The following LRP1B variants were observed in gnomAD, a reference collection of about 807,000 sequenced individuals.
LRP1B encodes the protein LDL receptor related protein 1B.
A neutral mutation model predicts 556.6 loss-of-function variants in LRP1B; 217 were observed. The ratio of observed to expected loss-of-function variants is 0.39; its 90% CI spans 0.35 to 0.44. The LOEUF (loss-of-function observed/expected upper bound fraction) is 0.44, where lower values mean the gene tolerates loss of function less well. Ranked by LOEUF, LRP1B falls within the 20% of genes least tolerant of loss-of-function variation. The pLI is 1.00. For synonymous variants in LRP1B, 2,047 were observed against 1,865.8 expected (o/e 1.10, Z -2.50); for missense variants, 5,053 against 5,620.8 (o/e 0.90, Z 3.23).
At chr2:141,965,665 GCAGCGCAC>G (rs1355585616) in intron 1 of LRP1B, among the ~76,000 whole-genome samples, 7 of 138,268 alleles carry the variant, frequency 5.1e-5, no homozygotes, top group Admixed American at 7.3e-5. Flanking sequence ...GTTAGTGGGT[GCAGCGCAC>G]CAGCATGGCA....
intron 18 of LRP1B, among the ~76,000 whole-genome samples, chr2:140,973,387 T>C (rs1274876644): frequency 6.6e-6 from 1 of 151,940 alleles, no homozygotes; most frequent in Non-Finnish European, 1.5e-5. Flanking sequence ...GATTCAAAAC[T>C]GCAAAATTAC....
chr2:141,285,644 C>T (rs1309938622), intron 3 of LRP1B, among the ~76,000 whole-genome samples: 4 of 147,344 alleles, frequency 2.7e-5, no homozygotes, highest in South Asian at 2.1e-4. Flanking sequence ...TTAGTAGAGA[C>T]GGGGATTCAC....
chr2:140,241,668 C>T (rs114153699), intron 87 of LRP1B, among the ~76,000 whole-genome samples: 1,970 of 150,772 alleles, frequency 0.013, 21 homozygotes, highest in Non-Finnish European at 0.021. Flanking sequence ...ACTATAAAAC[C>T]TAGTGTCACT....
intron 3 of LRP1B, among the ~76,000 whole-genome samples, chr2:141,470,789 G>C (rs138106184): frequency 2.8e-4 from 43 of 152,206 alleles, no homozygotes; most frequent in African/African-American, 9.6e-4. Context: ...GTGACAGTTT[G>C]TTATAATTCA....
intron 5 of LRP1B, 31 bp from the exon 6 acceptor site, chr2:141,229,471 T>G: frequency 1.4e-6 from 2 of 1,423,988 alleles, no homozygotes; most frequent in Non-Finnish European, 1.9e-6. Flanking sequence ...AGAAGTAAAT[T>G]CAGTAAGAGT....
intron 59 of LRP1B, among the ~76,000 whole-genome samples, chr2:140,479,333 G>C (rs1688122136): frequency 6.6e-6 from 1 of 151,678 alleles, no homozygotes; most frequent in Non-Finnish European, 1.5e-5. Context: ...AATAATTAAA[G>C]CTAAAAATGA....
intron 3 of LRP1B, among the ~76,000 whole-genome samples, chr2:141,291,835 G>A (rs373988423): frequency 5.1e-5 from 6 of 118,720 alleles, no homozygotes; most frequent in Non-Finnish European, 9.9e-5. Context: ...CAGCCTGGGC[G>A]AAAGAGCGAG....
At chr2:141,473,198 T>C (rs1267874154) in intron 3 of LRP1B, among the ~76,000 whole-genome samples, 1 of 152,186 alleles carries the variant, frequency 6.6e-6, no homozygotes, top group Non-Finnish European at 1.5e-5. Context: ...AAACAGAATT[T>C]ATAAAACTAA....
chr2:141,693,006 A>G (rs948976597), intron 2 of LRP1B, among the ~76,000 whole-genome samples: 1 of 151,994 alleles, frequency 6.6e-6, no homozygotes, highest in African/African-American at 2.4e-5. Context: ...AATTATCAAG[A>G]ATTTCAAGAG....
At chr2:141,648,303 A>C (rs1161749078) in intron 2 of LRP1B, among the ~76,000 whole-genome samples, 1 of 152,130 alleles carries the variant, frequency 6.6e-6, no homozygotes, top group Non-Finnish European at 1.5e-5. Flanking sequence ...CACTTCTTTC[A>C]TTGATTAGAA....
intron 6 of LRP1B, among the ~76,000 whole-genome samples, chr2:141,218,739 C>G (rs1013839785): frequency 1.3e-5 from 2 of 152,150 alleles, no homozygotes; most frequent in Admixed American, 1.3e-4. Flanking sequence ...AATATACCCA[C>G]ATAATAAACC....
chr2:140,500,160 A>G (rs966889902), intron 55 of LRP1B, among the ~76,000 whole-genome samples: 6 of 151,874 alleles, frequency 4.0e-5, no homozygotes, highest in African/African-American at 1.4e-4. Context: ...TACAAGTTTA[A>G]CCACTTCTTA....
At chr2:141,390,133 C>G (rs903422825) in intron 3 of LRP1B, among the ~76,000 whole-genome samples, 8 of 151,984 alleles carry the variant, frequency 5.3e-5, no homozygotes, top group African/African-American at 1.9e-4. Context: ...AGCGAAACTC[C>G]ATTTCTAAAT....
intron 2 of LRP1B, among the ~76,000 whole-genome samples, chr2:141,573,285 T>C (rs1250820982): frequency 1.3e-5 from 2 of 152,152 alleles, no homozygotes; most frequent in African/African-American, 4.8e-5. Flanking sequence ...TCAGAATTAA[T>C]AAAGTCACTC....
At chr2:140,948,361 G>T (rs1695604057) in intron 20 of LRP1B, among the ~76,000 whole-genome samples, 1 of 151,750 alleles carries the variant, frequency 6.6e-6, no homozygotes, top group East Asian at 1.9e-4. Flanking sequence ...TCAAATATTG[G>T]CAAAAAAAGA....
intron 6 of LRP1B, among the ~76,000 whole-genome samples, chr2:141,208,701 A>G (rs2105244817): frequency 6.6e-6 from 1 of 151,946 alleles, no homozygotes; most frequent in East Asian, 2.0e-4. Context: ...CCCCGTCTCT[A>G]TTAAAAAAAT....
intron 9 of LRP1B, among the ~76,000 whole-genome samples, chr2:141,057,022 G>A (rs775470683): frequency 1.9e-4 from 29 of 151,692 alleles, no homozygotes; most frequent in Middle Eastern, 3.4e-3. Flanking sequence ...AAATCCTATC[G>A]GCTCTATATT....
At chr2:141,982,244 T>C (rs1227621955) in intron 1 of LRP1B, among the ~76,000 whole-genome samples, 1 of 152,152 alleles carries the variant, frequency 6.6e-6, no homozygotes, top group Non-Finnish European at 1.5e-5. Context: ...CTGACTGATA[T>C]CTAAACCCAT....
In LRP1B at chr2:141,382,009, A is replaced by G. The variant is rs368321567; in HGVS notation, c.343+98387T>C. On this transcript the variant is annotated intron_variant, in intron 3 of 90. Coordinates refer to ENST00000389484, the MANE Select transcript of LRP1B (RefSeq NM_018557.3). ...GTAGACAGACACACAGTTAGTAAACATGCTAATCACACTCCCAGCTTCAAG... is the reference window on the plus strand; with the variant it reads ...GTAGACAGACACACAGTTAGTAAACGTGCTAATCACACTCCCAGCTTCAAG... Among the ~76,000 whole-genome samples the G allele has an allele frequency of 2.9e-4, 44 of 151,888 alleles. No homozygotes were observed. In the East Asian group the frequency reaches 8.5e-3, roughly 29 times the overall value.
Sources: gnomAD v4.1 joint callset for allele counts (sites outside exome capture counted in the v4.1 genomes callset) on GRCh38, gnomAD v4.1.1 for gene constraint, MANE v1.5 for transcripts, NCBI Gene and HGNC (gene_info 2026-07-23, HGNC 2026-07-21) for gene names.